Variants in MAMDC2 observed in about 807,000 individuals in gnomAD.
MAMDC2 encodes MAM domain containing 2, also known as MAM domain-containing protein 2.
MAMDC2 carries 57 observed loss-of-function variants against 89.8 expected under a neutral mutation model. That is an observed-to-expected ratio of 0.63 (90% CI 0.51 to 0.79). MAMDC2 has a LOEUF of 0.79. Ranked by LOEUF, MAMDC2 falls within the 30% of genes least tolerant of loss-of-function variation. MAMDC2 has a pLI of 0.00. For synonymous variants in MAMDC2, 313 were observed against 293.4 expected (o/e 1.07, Z -0.68); for missense variants, 800 against 820.6 (o/e 0.97, Z 0.31).
Position 70,150,587 on chromosome 9 carries a change from C to T in MAMDC2, c.1404+6768C>T, listed in dbSNP as rs115992672. ...GCTCTCTTGTTCAGTCCTTAATACG[C>T]TACAGTAACACCAAATTTAGGTGAA... On this transcript the variant is annotated intron_variant, in intron 9 of 13. Transcript: ENST00000377182. Among the ~76,000 whole-genome samples the T allele has an allele frequency of 7.9e-3, 1,203 of 152,252 alleles. 7 individuals are homozygous for T. Among genetic ancestry groups the T allele is most frequent in the African/African-American group, 0.028 (1,146 of 41,536 alleles).
Position 70,044,105 on chromosome 9 carries a change from C to T in MAMDC2, c.-93C>T. On this transcript the variant is annotated 5_prime_UTR_variant, in exon 1 of 14. Coordinates refer to ENST00000377182, the MANE Select transcript of MAMDC2 (RefSeq NM_153267.5). ...TCTCCCTCCTTGGGTCCCCGGCGCC[C>T]CCGCCTCCCACGATCCCTTTCACTA... 6.6e-7 allele frequency: 1 copy of T among 1,504,696 alleles called. No homozygotes were observed. Among genetic ancestry groups the T allele is most frequent in the Non-Finnish European group, 9.2e-7 (1 of 1,088,244 alleles). 93.2% of individuals were successfully genotyped at this position (1,504,696 alleles called of 1,614,324 possible). A position where few individuals can be genotyped will look rare whatever the true frequency, so the allele number is the denominator to read the frequency against.
chr9:70,182,865 G>C (rs1420103193), intron 11 of MAMDC2, among the ~76,000 whole-genome samples: 4 of 152,006 alleles, frequency 2.6e-5, no homozygotes, highest in African/African-American at 9.7e-5. Context: ...GCTCTGCTCT[G>C]ATCTTCATTA....
intron 11 of MAMDC2, among the ~76,000 whole-genome samples, chr9:70,182,497 G>A (rs909501618): frequency 6.6e-6 from 1 of 151,952 alleles, no homozygotes; most frequent in Non-Finnish European, 1.5e-5. Flanking sequence ...GGCTTTTTTT[G>A]GTTGGTAGGC....
At chr9:70,224,219 AAGAG>A (rs1470824600) in intron 12 of MAMDC2, among the ~76,000 whole-genome samples, 2 of 4,714 alleles carry the variant, frequency 4.2e-4, no homozygotes, top group Admixed American at 4.3e-3. Flanking sequence ...CCGAACCAGT[AAGAG>A]GAGAAAGAGA....
rs1422880779 is a variant in MAMDC2 at position 70,226,599 on chromosome 9, G to A, written c.*567G>A. On this transcript the variant is annotated 3_prime_UTR_variant, in exon 14 of 14. Coordinates refer to ENST00000377182, the MANE Select transcript of MAMDC2 (RefSeq NM_153267.5). ...TATTTTCACCATATGTGATAACAAA[G>A]GATCTTTCATGAATGTCCAAGGGTA... 6.6e-6 allele frequency: 1 copy of A among 152,440 alleles called. No individual in the cohort carries two copies. The highest frequency in any genetic ancestry group is 2.4e-5 in the African/African-American group (1 of 41,414). The allele number at this position is 152,440 out of a possible 1,614,324, so 9.4% of individuals were successfully genotyped here.
At chr9:70,136,712 G>C (rs2031025364) in intron 7 of MAMDC2, among the ~76,000 whole-genome samples, 1 of 152,186 alleles carries the variant, frequency 6.6e-6, no homozygotes, top group Non-Finnish European at 1.5e-5. Context: ...CATGGCACTT[G>C]GCAGTGCCAC....
intron 2 of MAMDC2, among the ~76,000 whole-genome samples, chr9:70,045,763 A>G (rs1218699554): frequency 3.9e-5 from 6 of 152,186 alleles, no homozygotes; most frequent in Non-Finnish European, 8.8e-5. Flanking sequence ...TTACAGAGGA[A>G]GGAATCTCAG....
At chr9:70,071,653 CT>C (rs1355716830) in intron 2 of MAMDC2, 1 of 152,024 alleles carries the variant, frequency 6.6e-6, no homozygotes, top group Non-Finnish European at 1.5e-5. Context: ...ATCATACAGC[CT>C]TTGGGTAATT....
chr9:70,165,703 T>G (rs1016709407), intron 9 of MAMDC2, among the ~76,000 whole-genome samples: 8 of 152,346 alleles, frequency 5.3e-5, no homozygotes, highest in African/African-American at 1.7e-4. Flanking sequence ...CCAATAGAAC[T>G]TTCTGTAATG....
intron 9 of MAMDC2, among the ~76,000 whole-genome samples, chr9:70,164,192 A>C (rs1430075825): frequency 6.6e-6 from 1 of 152,154 alleles, no homozygotes; most frequent in African/African-American, 2.4e-5. Flanking sequence ...AGTTGCTGCT[A>C]AACATCCTAC....
At chr9:70,153,176 C>T (rs576200014) in intron 9 of MAMDC2, 1 of 151,984 alleles carries the variant, frequency 6.6e-6, no homozygotes, top group Non-Finnish European at 1.5e-5. Flanking sequence ...TTTTAAGAAA[C>T]GTTTTGAAAA....
At chr9:70,182,126 T>A (rs2032657540) in intron 11 of MAMDC2, among the ~76,000 whole-genome samples, 1 of 152,194 alleles carries the variant, frequency 6.6e-6, no homozygotes, top group African/African-American at 2.4e-5. Context: ...GTGGTTTTTG[T>A]CATTGGTTCT....
chr9:70,158,669 G>A (rs1207118658), intron 9 of MAMDC2, among the ~76,000 whole-genome samples: 1 of 151,966 alleles, frequency 6.6e-6, no homozygotes, highest in East Asian at 1.9e-4. Flanking sequence ...ATACAGTCAT[G>A]TATCACTTAA....
intron 11 of MAMDC2, among the ~76,000 whole-genome samples, chr9:70,192,371 T>C (rs2032897499): frequency 6.6e-6 from 1 of 152,106 alleles, no homozygotes; most frequent in Non-Finnish European, 1.5e-5. Flanking sequence ...AAATATACTC[T>C]TTCTTCTGCA....
At chr9:70,170,675 A>T in intron 11 of MAMDC2, 44 bp downstream of exon 11, 1 of 1,513,810 alleles carries the variant, frequency 6.6e-7, no homozygotes. Context: ...AAAGCTTCTA[A>T]AATAGCATTC....
intron 5 of MAMDC2, among the ~76,000 whole-genome samples, chr9:70,113,372 G>A (rs1407589608): frequency 6.6e-6 from 1 of 152,170 alleles, no homozygotes; most frequent in African/African-American, 2.4e-5. Context: ...TCCATTAAAA[G>A]TTCTCCTTCA....
At chr9:70,196,497 G>C (rs2032977325) in intron 11 of MAMDC2, among the ~76,000 whole-genome samples, 1 of 152,034 alleles carries the variant, frequency 6.6e-6, no homozygotes, top group Non-Finnish European at 1.5e-5. Context: ...TTCAGCAAGG[G>C]ATCCCCTGAA....
rs181226307 is a variant in MAMDC2, at chr9:70,226,711, A to C, written c.*679A>C. ...CTACCTTTGAAGTCACTATGAGCAC[A>C]TGGATAGAAATTTAACTTTTTTTTG... On this transcript the variant is annotated 3_prime_UTR_variant, in exon 14 of 14. Transcript: ENST00000377182. 17 of 152,350 alleles carry C rather than the reference A, an allele frequency of 1.1e-4. No homozygotes were observed. The highest frequency in any genetic ancestry group is 2.1e-4 in the Non-Finnish European group (14 of 67,906). 9.4% of individuals were successfully genotyped at this position (152,350 alleles called of 1,614,324 possible).
chr9:70,182,157 T>G (rs1260945620), intron 11 of MAMDC2, among the ~76,000 whole-genome samples: 1 of 152,206 alleles, frequency 6.6e-6, no homozygotes, highest in African/African-American at 2.4e-5. Context: ...TGGATTACAT[T>G]TATTGATTTG....
Sources: gnomAD v4.1 joint callset for allele counts (sites outside exome capture counted in the v4.1 genomes callset) on GRCh38, gnomAD v4.1.1 for gene constraint, MANE v1.5 for transcripts, NCBI Gene and HGNC (gene_info 2026-07-23, HGNC 2026-07-21) for gene names.